Variants in GPHN observed in about 807,000 individuals in gnomAD.
The protein encoded by GPHN is gephyrin.
A neutral mutation model predicts 95.5 loss-of-function variants in GPHN; 17 were observed. The observed-to-expected ratio is 0.18, with a 90% CI of 0.12 to 0.27. The LOEUF (loss-of-function observed/expected upper bound fraction) is 0.27, where lower values mean the gene tolerates loss of function less well. Among genes scored for constraint, GPHN ranks in the 10% least tolerant of loss-of-function variants. GPHN has a pLI of 1.00. For synonymous variants in GPHN, 320 were observed against 322.5 expected, an observed-to-expected ratio of 0.99 and a Z score of 0.08; for missense variants, 660 against 978.1, an observed-to-expected ratio of 0.67 and a Z score of 4.34.
chr14:66,727,195 C>T (rs1399586062), intron 2 of GPHN, among the ~76,000 whole-genome samples: 1 of 152,242 alleles, frequency 6.6e-6, no homozygotes, highest in Non-Finnish European at 1.5e-5. Context: ...TGACTTGCTC[C>T]TCCATGCCTT....
chr14:67,369,635 A>C, the GPHN span, among the ~76,000 whole-genome samples: 25,339 of 152,216 alleles, frequency 0.17, 2,607 homozygotes, highest in Non-Finnish European at 0.23. Flanking sequence ...CTCTGATCAC[A>C]CTGGAAGTAA....
rs375607651 is a variant in GPHN, at chr14:66,916,080, T to C, written c.456+11T>C. ...AAGAAAGGATCTCAGGTAAATCACC[T>C]GGACATATTAATGGTTTAGTGTAAG... On this transcript the variant is annotated intron_variant, in intron 6 of 22. Transcript: ENST00000478722. The C allele has an allele frequency of 1.3e-5, 20 of 1,541,916 alleles. No individual in the cohort carries two copies. The highest frequency in any genetic ancestry group is 1.7e-5 in the Admixed American group (1 of 59,808).
chr14:67,086,969 C>T (rs1386643674), intron 11 of GPHN, among the ~76,000 whole-genome samples: 1 of 141,582 alleles, frequency 7.1e-6, no homozygotes, highest in African/African-American at 2.7e-5. Context: ...ACCCAGAAGG[C>T]GGAGCTTGCA....
In GPHN at chr14:66,837,351, A is replaced by G. The variant is rs2061875654; in HGVS notation, c.294+12785A>G. On this transcript the variant is annotated intron_variant, in intron 4 of 22. Coordinates refer to ENST00000478722, the MANE Select transcript of GPHN (RefSeq NM_020806.5). The stretch of plus-strand genomic sequence containing the variant: ...CAGTAAACTATCGCAAGAACAAAAA[A>G]CCAAACACCGCATGTTCTCACTCAT... Among the ~76,000 whole-genome samples the G allele has an allele frequency of 4.0e-5, 6 of 148,840 alleles. No homozygotes were observed. In the South Asian group the frequency reaches 1.3e-3, roughly 32 times the overall value.
At chr14:67,274,108 C>T in the GPHN span, among the ~76,000 whole-genome samples, 1 of 152,156 alleles carries the variant, frequency 6.6e-6, no homozygotes, top group Non-Finnish European at 1.5e-5. Flanking sequence ...TTTTGCTGTG[C>T]AGAAGCTCTT....
At chr14:67,281,123 T>G in the GPHN span, among the ~76,000 whole-genome samples, 1 of 151,922 alleles carries the variant, frequency 6.6e-6, no homozygotes, top group South Asian at 2.1e-4. Flanking sequence ...GGTCTTCAAC[T>G]CCTGACCTCA....
At chr14:66,628,251 C>G (rs1368167990) in intron 1 of GPHN, among the ~76,000 whole-genome samples, 1 of 152,072 alleles carries the variant, frequency 6.6e-6, no homozygotes, top group East Asian at 1.9e-4. Flanking sequence ...GGGATGTGTT[C>G]TGAGAAATGC....
the GPHN span, chr14:67,411,948 G>T: frequency 7.2e-7 from 1 of 1,387,966 alleles, no homozygotes; most frequent in Non-Finnish European, 9.8e-7. Flanking sequence ...CGCGCGTCTG[G>T]CCCCGCTCTA....
intron 3 of GPHN, among the ~76,000 whole-genome samples, chr14:66,787,772 CAAAA>C (rs554568137): frequency 7.7e-6 from 1 of 130,642 alleles, no homozygotes; most frequent in Non-Finnish European, 1.6e-5. Flanking sequence ...AATCAACAGG[CAAAA>C]AAAAAAAGAA....
intron 1 of GPHN, among the ~76,000 whole-genome samples, chr14:66,584,534 T>C (rs1217887644): frequency 1.3e-5 from 2 of 152,164 alleles, no homozygotes; most frequent in African/African-American, 4.8e-5. Flanking sequence ...TTGTCATAGA[T>C]AGCTCTTATT....
the GPHN span, among the ~76,000 whole-genome samples, chr14:67,219,286 G>A: frequency 5.6e-4 from 86 of 152,272 alleles, no homozygotes; most frequent in East Asian, 0.013. Context: ...CGTTTTCCCT[G>A]CAATGGGAGG....
rs80130973 is a variant in GPHN, at chr14:66,711,605, T to A, written c.143+30420T>A. ...GGTAGTTCTTTTTTTTTTTTTTTTT[T>A]AAATTATACTTTAAGTTCTAGGGTA... On this transcript the variant is annotated intron_variant, in intron 2 of 22. Coordinates refer to ENST00000478722, the MANE Select transcript of GPHN (RefSeq NM_020806.5). Among the ~76,000 whole-genome samples the A allele has an allele frequency of 7.3e-3, 1,023 of 140,630 alleles. 29 individuals are homozygous for A. Among genetic ancestry groups the A allele is most frequent in the Admixed American group, 0.046 (645 of 14,088 alleles). The allele number at this position is 140,630 out of a possible 152,430, so 92.3% of individuals were successfully genotyped here. A position where few individuals can be genotyped will look rare whatever the true frequency, so the allele number is the denominator to read the frequency against.
the GPHN span, among the ~76,000 whole-genome samples, chr14:67,266,778 C>T: frequency 5.3e-5 from 8 of 152,036 alleles, no homozygotes; most frequent in African/African-American, 1.2e-4. Context: ...TGTCAGTATA[C>T]GACTTGTTTT....
the GPHN span, chr14:67,568,999 T>A: frequency 1.7e-6 from 1 of 599,306 alleles, no homozygotes; most frequent in South Asian, 2.0e-5. Context: ...ATGAAGTAAC[T>A]TGCCCAAGAT....
intron 12 of GPHN, among the ~76,000 whole-genome samples, chr14:67,097,863 T>C (rs938542749): frequency 1.3e-5 from 2 of 152,170 alleles, no homozygotes; most frequent in African/African-American, 4.8e-5. Context: ...GCCAATGATA[T>C]ACACACACAT....
chr14:67,474,188 G>T, the GPHN span, among the ~76,000 whole-genome samples: 44 of 152,114 alleles, frequency 2.9e-4, no homozygotes, highest in Admixed American at 7.2e-4. Flanking sequence ...CAAGGCAGAG[G>T]TTGGAGTGAG....
chr14:67,369,104 AG>A, the GPHN span, among the ~76,000 whole-genome samples: 12 of 152,226 alleles, frequency 7.9e-5, no homozygotes, highest in African/African-American at 2.7e-4. Flanking sequence ...AGAGATTGTT[AG>A]GATGAATTAA....
chr14:67,655,527 CT>C, the GPHN span, among the ~76,000 whole-genome samples: 275 of 145,536 alleles, frequency 1.9e-3, no homozygotes, highest in Middle Eastern at 3.6e-3. Context: ...TTCCCTATTA[CT>C]TTTTTTTTTT....
intron 3 of GPHN, among the ~76,000 whole-genome samples, chr14:66,797,750 A>G (rs1271824123): frequency 6.6e-6 from 1 of 151,922 alleles, no homozygotes; most frequent in East Asian, 1.9e-4. Context: ...TTCCACATAT[A>G]ATGTCATATC....
Sources: gnomAD v4.1 joint callset for allele counts (sites outside exome capture counted in the v4.1 genomes callset) on GRCh38, gnomAD v4.1.1 for gene constraint, MANE v1.5 for transcripts, NCBI Gene and HGNC (gene_info 2026-07-23, HGNC 2026-07-21) for gene names.